The following RNF216 variants were observed in gnomAD, a reference collection of about 807,000 sequenced individuals.
The protein encoded by RNF216 is ring finger protein 216, also known as E3 ubiquitin-protein ligase RNF216.
In RNF216, 72 loss-of-function variants were observed where a neutral mutation model predicts 110.8. The observed-to-expected ratio is 0.65, with a 90% CI of 0.54 to 0.79. The LOEUF (loss-of-function observed/expected upper bound fraction) is 0.79, where lower values mean the gene tolerates loss of function less well. RNF216 is among the 30% of genes least tolerant of loss of function. The pLI is 0.00. For missense variants in RNF216, 1,342 were observed against 1,141.2 expected (o/e 1.18, Z -2.54); for synonymous variants, 495 against 407.5 (o/e 1.21, Z -2.59).
At chr7:5,731,425 C>T (rs1794083705) in intron 5 of RNF216, among the ~76,000 whole-genome samples, 1 of 151,752 alleles carries the variant, frequency 6.6e-6, no homozygotes, top group African/African-American at 2.4e-5. Flanking sequence ...AGACTCTCTT[C>T]ACACAAAACC....
intron 9 of RNF216, among the ~76,000 whole-genome samples, chr7:5,719,886 G>A (rs1301013554): frequency 6.6e-6 from 1 of 152,184 alleles, no homozygotes; most frequent in African/African-American, 2.4e-5. Flanking sequence ...TATAAGACAA[G>A]CTTCATATCC....
intron 3 of RNF216, among the ~76,000 whole-genome samples, chr7:5,746,576 T>C (rs1206475793): frequency 6.6e-6 from 1 of 152,138 alleles, no homozygotes; most frequent in East Asian, 1.9e-4. Context: ...GTGTCTTGAC[T>C]GAGTCAGATG....
At chr7:5,753,460 A>C (rs1051589551) in intron 2 of RNF216, among the ~76,000 whole-genome samples, 1 of 152,248 alleles carries the variant, frequency 6.6e-6, no homozygotes, top group Non-Finnish European at 1.5e-5. Context: ...AAGCAAACCT[A>C]TGTCAATGCT....
chr7:5,667,494 C>T (rs1022428145), intron 13 of RNF216, among the ~76,000 whole-genome samples: 1 of 152,202 alleles, frequency 6.6e-6, no homozygotes, highest in Non-Finnish European at 1.5e-5. Flanking sequence ...GGAACAATGC[C>T]CGGGAACCAG....
At chr7:5,756,292 T>C (rs1379170533) in intron 2 of RNF216, among the ~76,000 whole-genome samples, 2 of 152,228 alleles carry the variant, frequency 1.3e-5, no homozygotes, top group African/African-American at 4.8e-5. Context: ...CCTCTTTCCG[T>C]CATAAATTAC....
At chr7:5,625,552 AG>A (rs1268965129) in intron 15 of RNF216, among the ~76,000 whole-genome samples, 1 of 152,234 alleles carries the variant, frequency 6.6e-6, no homozygotes, top group Non-Finnish European at 1.5e-5. Context: ...GACAGTTTGC[AG>A]GTTTACTTAC....
At chr7:5,709,932 T>A (rs963353950) in intron 13 of RNF216, among the ~76,000 whole-genome samples, 9 of 152,106 alleles carry the variant, frequency 5.9e-5, no homozygotes, top group Non-Finnish European at 1.3e-4. Context: ...GTTTTAAAAT[T>A]TTTTTTGTAG....
intron 14 of RNF216, among the ~76,000 whole-genome samples, chr7:5,641,697 A>G (rs886380393): frequency 2.0e-5 from 3 of 152,204 alleles, no homozygotes; most frequent in South Asian, 2.1e-4. Context: ...CAGCATTTAG[A>G]AAAGGACTGC....
chr7:5,763,571 A>G (rs1468616131), intron 1 of RNF216, among the ~76,000 whole-genome samples: 3 of 151,906 alleles, frequency 2.0e-5, no homozygotes, highest in Non-Finnish European at 4.4e-5. Flanking sequence ...AGGAGGTTGT[A>G]GTCTTTTTTA....
Position 5,674,761 on chromosome 7 carries a change from C to T in RNF216, c.2062-22251G>A, listed in dbSNP as rs537572545. Among the ~76,000 whole-genome samples, 33 of 152,120 alleles carry T rather than the reference C, an allele frequency of 2.2e-4. No homozygotes were observed. In the South Asian group the frequency reaches 5.0e-3, roughly 23 times the overall value. On this transcript the variant is annotated intron_variant, in intron 13 of 16. Transcript: ENST00000389902. ...TAAAGCAAATGTGGCTCTAGGAGGC[C>T]GAGGTTGGCAGATCACCTGAGATCA...
At chr7:5,629,660 C>T (rs1786936990) in intron 15 of RNF216, among the ~76,000 whole-genome samples, 3 of 151,784 alleles carry the variant, frequency 2.0e-5, no homozygotes, top group African/African-American at 2.4e-5. Context: ...AACCTCATCT[C>T]TACTAAAAAT....
intron 2 of RNF216, among the ~76,000 whole-genome samples, chr7:5,759,186 T>C (rs969731221): frequency 2.0e-5 from 3 of 152,206 alleles, no homozygotes; most frequent in African/African-American, 7.2e-5. Flanking sequence ...CCTTCTGTCA[T>C]GATTGTAAGT....
chr7:5,655,362 C>T (rs1788671184), intron 13 of RNF216, among the ~76,000 whole-genome samples: 1 of 152,164 alleles, frequency 6.6e-6, no homozygotes, highest in African/African-American at 2.4e-5. Flanking sequence ...CTTTGGGAGG[C>T]CGAGGCGGAG....
At position 5,752,877 on chromosome 7, in the gene RNF216, T is replaced by C. The variant is rs1427023888; in HGVS notation, c.170A>G (p.Glu57Gly). 1 of 1,612,614 alleles carries C rather than the reference T, an allele frequency of 6.2e-7. No homozygotes were observed. Among genetic ancestry groups the C allele is most frequent in the East Asian group, 2.2e-5 (1 of 44,856 alleles). The change falls in exon 3 of 17, where the codon GAG becomes GGG. Residue 57 changes from glutamate (E) to glycine (G), a missense_variant. Glu to Gly is a moderately conservative substitution (Grantham distance 98). Coordinates refer to ENST00000389902, the MANE Select transcript of RNF216 (RefSeq NM_207111.4). ...CAGGATGACATCATCATCCAGGTCC[T>C]CTTCTTCATGCTGCTGAGGAGCTGG... ...VTPAPQQHEEEDLDDDVILTE... is the reference protein window; with the variant it reads ...VTPAPQQHEEGDLDDDVILTE...
intron 13 of RNF216, among the ~76,000 whole-genome samples, chr7:5,681,163 G>A (rs999548315): frequency 1.3e-5 from 2 of 152,066 alleles, no homozygotes; most frequent in African/African-American, 4.8e-5. Flanking sequence ...ATCGTTTGTG[G>A]TTCTTCAGAG....
intron 13 of RNF216, among the ~76,000 whole-genome samples, chr7:5,701,009 C>A (rs566166161): frequency 2.0e-5 from 3 of 152,246 alleles, no homozygotes; most frequent in Non-Finnish European, 2.9e-5. Flanking sequence ...AGATTCTAAA[C>A]CTTCTGAGTA....
At chr7:5,688,956 T>G (rs894237160) in intron 13 of RNF216, among the ~76,000 whole-genome samples, 4 of 152,214 alleles carry the variant, frequency 2.6e-5, no homozygotes, top group African/African-American at 9.7e-5. Flanking sequence ...GGGAAAAATA[T>G]TCACAAAACT....
intron 13 of RNF216, among the ~76,000 whole-genome samples, chr7:5,692,401 A>G (rs1285835297): frequency 2.0e-5 from 3 of 152,224 alleles, no homozygotes; most frequent in Non-Finnish European, 4.4e-5. Context: ...ATCAGAACCC[A>G]TCCTTGTTAG....
chr7:5,709,700 T>C (rs544727393), intron 13 of RNF216, among the ~76,000 whole-genome samples: 3 of 152,322 alleles, frequency 2.0e-5, no homozygotes, highest in Admixed American at 1.3e-4. Context: ...ACATGCCAAG[T>C]TGATACTCAC....
Sources: allele counts gnomAD v4.1 joint callset (sites outside exome capture counted in the v4.1 genomes callset), GRCh38; gene constraint gnomAD v4.1.1; transcripts MANE v1.5; gene names NCBI Gene and HGNC (gene_info 2026-07-23, HGNC 2026-07-21).